VPS26A: variants seen among roughly 807,000 people sequenced by gnomAD.
The protein encoded by VPS26A is VPS26 retromer complex component A.
Under a neutral mutation model 42.4 loss-of-function variants are expected in VPS26A, and 22 were observed. That is an observed-to-expected ratio of 0.52 (90% CI 0.37 to 0.74). The LOEUF (loss-of-function observed/expected upper bound fraction) is 0.74. Among genes scored for constraint, VPS26A ranks in the 30% least tolerant of loss-of-function variants. The probability of loss-of-function intolerance (pLI) is 0.00; values close to 1 mark genes in which losing one functional copy is unlikely to be tolerated. For synonymous variants in VPS26A, 110 were observed against 123.5 expected (o/e 0.89, Z 0.73); for missense variants, 276 against 379.2 (o/e 0.73, Z 2.26).
At chr10:69,151,207 G>A (rs1020518046) in intron 2 of VPS26A, among the ~76,000 whole-genome samples, 3 of 148,492 alleles carry the variant, frequency 2.0e-5, no homozygotes, top group African/African-American at 7.7e-5. Flanking sequence ...AGAGCTTGCA[G>A]TGAGCTGAGA....
intron 2 of VPS26A, chr10:69,133,648 CGGTTTTTTGTTTTG>C (rs1246257371): frequency 5.6e-6 from 7 of 1,258,552 alleles, no homozygotes; most frequent in Non-Finnish European, 7.2e-6. Context: ...GTAATGTATA[CGGTTTTTTGTTTTG>C]GGTTTTTTGG....
rs970463117 is a variant in VPS26A at position 69,172,913 on chromosome 10, CATT to C, written c.*1645_*1647del. ...ATAGCTCTGTTCTCAAATCTCTTCT[CATT>C]GTTAGATTTATTGTCGAGGATAGGA... On this transcript the variant is annotated 3_prime_UTR_variant, in exon 9 of 9. Transcript: ENST00000263559. The C allele has an allele frequency of 3.3e-5, 5 of 152,196 alleles. No homozygotes were observed. Among genetic ancestry groups the C allele is most frequent in the African/African-American group, 7.2e-5 (3 of 41,436 alleles). 9.4% of individuals were successfully genotyped at this position (152,196 alleles called of 1,614,324 possible).
intron 2 of VPS26A, among the ~76,000 whole-genome samples, chr10:69,150,585 G>A (rs1034494699): frequency 6.6e-6 from 1 of 150,588 alleles, no homozygotes; most frequent in Non-Finnish European, 1.5e-5. Flanking sequence ...TTTTAGTAGA[G>A]ACGGGGTTTC....
intron 4 of VPS26A, among the ~76,000 whole-genome samples, chr10:69,157,560 C>T (rs111477492): frequency 1.3e-5 from 2 of 152,140 alleles, no homozygotes; most frequent in Non-Finnish European, 2.9e-5. Flanking sequence ...AAAAGGAGTA[C>T]GAACCTAGTT....
At chr10:69,147,194 TATTGCC>T (rs1212517069) in intron 2 of VPS26A, among the ~76,000 whole-genome samples, 2 of 152,244 alleles carry the variant, frequency 1.3e-5, no homozygotes, top group Non-Finnish European at 1.5e-5. Context: ...TTCATGTGCT[TATTGCC>T]ATATGTCTGT....
chr10:69,134,394 C>T (rs776255452), intron 2 of VPS26A, among the ~76,000 whole-genome samples: 1 of 152,032 alleles, frequency 6.6e-6, no homozygotes, highest in Non-Finnish European at 1.5e-5. Flanking sequence ...TTCTGTAGGA[C>T]GAGATTATTT....
At chr10:69,161,994 CTTT>C (rs36040871) in intron 5 of VPS26A, 98 of 132,426 alleles carry the variant, frequency 7.4e-4, no homozygotes, top group South Asian at 1.7e-3. Context: ...CAAAATAGTA[CTTT>C]TTTTTTTTTT....
chr10:69,143,300 C>G (rs1319631030), intron 2 of VPS26A, among the ~76,000 whole-genome samples: 2 of 152,146 alleles, frequency 1.3e-5, no homozygotes, highest in African/African-American at 4.8e-5. Context: ...TGGATCTCAC[C>G]TATAAGTTTA....
chr10:69,136,492 G>A (rs1365648581), intron 2 of VPS26A, among the ~76,000 whole-genome samples: 1 of 151,792 alleles, frequency 6.6e-6, no homozygotes, highest in Non-Finnish European at 1.5e-5. Flanking sequence ...GGCTGGTCTC[G>A]AACTTCTGAC....
chr10:69,138,867 C>T (rs1013807354), intron 2 of VPS26A, among the ~76,000 whole-genome samples: 1 of 152,128 alleles, frequency 6.6e-6, no homozygotes, highest in Non-Finnish European at 1.5e-5. Flanking sequence ...ACATTATATA[C>T]ATAATAGTCT....
At chr10:69,138,887 A>C (rs1034718699) in intron 2 of VPS26A, among the ~76,000 whole-genome samples, 5 of 152,226 alleles carry the variant, frequency 3.3e-5, no homozygotes, top group African/African-American at 1.2e-4. Context: ...TCAGAATAAC[A>C]ATACTAACAT....
intron 8 of VPS26A, among the ~76,000 whole-genome samples, chr10:69,170,535 G>A (rs1397604697): frequency 2.0e-5 from 3 of 152,178 alleles, no homozygotes; most frequent in Non-Finnish European, 4.4e-5. Flanking sequence ...TAGAGAAATC[G>A]AGATTTGAAG....
At chr10:69,135,502 G>A in intron 2 of VPS26A, among the ~76,000 whole-genome samples, 1 of 152,154 alleles carries the variant, frequency 6.6e-6, no homozygotes, top group Non-Finnish European at 1.5e-5. Context: ...CAGCTCTTTG[G>A]GAGGCTGAGG....
rs1841473796 is a variant in VPS26A, at chr10:69,158,199, A to G, written c.539A>G (p.Tyr180Cys). ...IEDCLHIEFEYNKSKYHLKDV... is the reference protein window; with the variant it reads ...IEDCLHIEFECNKSKYHLKDV... Reference sequence around the variant, plus strand: ...GATTGTCTACATATAGAATTTGAATATAATAAATCAAAGTAAGTATCATTC... The same window carrying G: ...GATTGTCTACATATAGAATTTGAATGTAATAAATCAAAGTAAGTATCATTC... The change falls in exon 5 of 9, where the codon TAT becomes TGT. Residue 180 changes from tyrosine (Y) to cysteine (C), a missense_variant. Physicochemically the swap from Tyr to Cys is radical, Grantham distance 194 (BLOSUM62 -2). Coordinates refer to ENST00000263559, the MANE Select transcript of VPS26A (RefSeq NM_004896.5). 1.3e-6 allele frequency: 2 copies of G among 1,589,128 alleles called. No individual in the cohort carries two copies. Among genetic ancestry groups the G allele is most frequent in the South Asian group, 1.2e-5 (1 of 86,144 alleles).
chr10:69,167,045 T>G (rs1232868992), intron 7 of VPS26A, among the ~76,000 whole-genome samples: 2 of 149,640 alleles, frequency 1.3e-5, no homozygotes, highest in African/African-American at 5.0e-5. Context: ...GAGAATCGCT[T>G]GAACCTGGGA....
chr10:69,135,707 A>G (rs186703475), intron 2 of VPS26A, among the ~76,000 whole-genome samples: 87 of 152,344 alleles, frequency 5.7e-4, no homozygotes, highest in Admixed American at 3.4e-3. Context: ...TTTCAGTTCA[A>G]AAGTTACTAT....
At chr10:69,133,151 G>A in intron 2 of VPS26A, 104 bp downstream of exon 2, 2 of 1,192,256 alleles carry the variant, frequency 1.7e-6, no homozygotes, top group Non-Finnish European at 2.3e-6. Context: ...ATGAGGGAGA[G>A]AGATTTTTTT....
chr10:69,132,921 T>G lies in VPS26A; in HGVS notation c.27T>G (p.Gly9=), dbSNP rs1840818183. The G allele has an allele frequency of 3.1e-6, 5 of 1,589,536 alleles. No individual in the cohort carries two copies. Among genetic ancestry groups the G allele is most frequent in the Non-Finnish European group, 4.3e-6 (5 of 1,173,986 alleles). Reference sequence around the variant, plus strand: ...AGAGTTTTCTTGGAGGCTTTTTTGGTCCAATTTGTGAGATCGATATTGTTC... The same window carrying G: ...AGAGTTTTCTTGGAGGCTTTTTTGGGCCAATTTGTGAGATCGATATTGTTC... MSFLGGFF[G]PICEIDIVLN... The change falls in exon 2 of 9, where the codon GGT becomes GGG. Residue 9 remains glycine, a synonymous_variant. Coordinates refer to ENST00000263559, the MANE Select transcript of VPS26A (RefSeq NM_004896.5).
At chr10:69,165,135 C>G (rs1326734720) in intron 6 of VPS26A, among the ~76,000 whole-genome samples, 5 of 152,036 alleles carry the variant, frequency 3.3e-5, no homozygotes, top group Admixed American at 3.3e-4. Flanking sequence ...ACCGTGTTGC[C>G]TAGGCTGGTC....
Sources: allele counts gnomAD v4.1 joint callset (sites outside exome capture counted in the v4.1 genomes callset), GRCh38; gene constraint gnomAD v4.1.1; transcripts MANE v1.5; gene names NCBI Gene and HGNC (gene_info 2026-07-23, HGNC 2026-07-21).